FOXP2: variants seen among roughly 807,000 people sequenced by gnomAD.
FOXP2 encodes the protein forkhead box protein P2.
Under a neutral mutation model 115.8 loss-of-function variants are expected in FOXP2, and 12 were observed. The ratio of observed to expected loss-of-function variants is 0.10; its 90% CI spans 0.07 to 0.17. FOXP2 has a LOEUF of 0.17. FOXP2 is among the 10% of genes least tolerant of loss of function. The pLI, the probability that FOXP2 is intolerant of heterozygous loss-of-function variation, is 1.00. For synonymous variants in FOXP2, 328 were observed against 297.7 expected (o/e 1.10, Z -1.05); for missense variants, 629 against 843.5 (o/e 0.75, Z 3.15).
rs2129355759 is a variant in FOXP2 at position 114,692,571 on chromosome 7, T to C, written c.*2645T>C. On this transcript the variant is annotated 3_prime_UTR_variant, in exon 17 of 17. Transcript: ENST00000350908. ...TCATGAATTTTTACTCTTATATCAT[T>C]GCTTGCTAGTAATAGCAAATCTGCT... 2.2e-6 allele frequency: 1 copy of C among 452,784 alleles called. No individual in the cohort carries two copies. Among genetic ancestry groups the C allele is most frequent in the Admixed American group, 2.4e-5 (1 of 42,270 alleles). 28.0% of individuals were successfully genotyped at this position (452,784 alleles called of 1,614,324 possible).
At chr7:114,625,184 A>G (rs1463787904) in intron 3 of FOXP2, among the ~76,000 whole-genome samples, 1 of 151,714 alleles carries the variant, frequency 6.6e-6, no homozygotes, top group African/African-American at 2.4e-5. Flanking sequence ...TCTCCCAACC[A>G]AAGATGACTC....
At chr7:114,341,931 T>C (rs534706731) in intron 2 of FOXP2, among the ~76,000 whole-genome samples, 1 of 151,444 alleles carries the variant, frequency 6.6e-6, no homozygotes, top group African/African-American at 2.4e-5. Flanking sequence ...TATGGCTAGA[T>C]TGGAAGCTGA....
chr7:114,202,904 T>C (rs1247323170), intron 1 of FOXP2, among the ~76,000 whole-genome samples: 1 of 152,206 alleles, frequency 6.6e-6, no homozygotes, highest in Non-Finnish European at 1.5e-5. Context: ...CTTTTACTGC[T>C]TTCTCTTGAT....
chr7:114,623,220 T>C (rs1312546955), intron 3 of FOXP2, among the ~76,000 whole-genome samples: 2 of 151,976 alleles, frequency 1.3e-5, no homozygotes, highest in Non-Finnish European at 2.9e-5. Flanking sequence ...GTAACTTCTT[T>C]CCAATGATTT....
intron 2 of FOXP2, among the ~76,000 whole-genome samples, chr7:114,483,341 G>T (rs1198452133): frequency 1.3e-5 from 2 of 151,392 alleles, no homozygotes; most frequent in African/African-American, 4.8e-5. Flanking sequence ...CTTCAATCTT[G>T]CATATCCTCC....
chr7:114,592,085 A>T (rs1802467964), intron 3 of FOXP2, among the ~76,000 whole-genome samples: 1 of 152,076 alleles, frequency 6.6e-6, no homozygotes, highest in South Asian at 2.1e-4. Context: ...ACATATAGAG[A>T]GTTTCTGTGA....
chr7:114,462,587 G>T (rs1339363163), intron 2 of FOXP2, among the ~76,000 whole-genome samples: 1 of 151,872 alleles, frequency 6.6e-6, no homozygotes, highest in African/African-American at 2.4e-5. Flanking sequence ...GGCCAGGATG[G>T]TCTCAGATCT....
chr7:114,684,681 T>C (rs897520803), intron 16 of FOXP2, among the ~76,000 whole-genome samples: 4 of 152,160 alleles, frequency 2.6e-5, no homozygotes, highest in Admixed American at 6.6e-5. Context: ...ATGTTCTGAA[T>C]CCCAGATTAA....
intron 1 of FOXP2, among the ~76,000 whole-genome samples, chr7:114,184,516 C>T (rs1171902417): frequency 6.6e-6 from 1 of 152,072 alleles, no homozygotes; most frequent in Non-Finnish European, 1.5e-5. Context: ...AATTTTTAGT[C>T]ATTATGATTG....
chr7:114,652,475 G>A (rs912657556), intron 9 of FOXP2, among the ~76,000 whole-genome samples, 185 bp downstream of exon 9: 2 of 152,062 alleles, frequency 1.3e-5, no homozygotes, highest in African/African-American at 4.8e-5. Flanking sequence ...AAGGATTGCT[G>A]TAGTTTAATG....
chr7:114,683,646 C>T (rs1808209936), intron 16 of FOXP2, among the ~76,000 whole-genome samples: 2 of 152,008 alleles, frequency 1.3e-5, no homozygotes, highest in African/African-American at 4.8e-5. Flanking sequence ...GTGAGTTGAT[C>T]CTTAAGTGGT....
intron 1 of FOXP2, among the ~76,000 whole-genome samples, chr7:114,243,678 G>C (rs1795207489): frequency 6.6e-6 from 1 of 151,894 alleles, no homozygotes; most frequent in African/African-American, 2.4e-5. Context: ...TTCCGAATTG[G>C]GTTGCTAACG....
chr7:114,316,851 C>A (rs1179656277), intron 2 of FOXP2, among the ~76,000 whole-genome samples: 2 of 151,636 alleles, frequency 1.3e-5, no homozygotes, highest in African/African-American at 4.8e-5. Context: ...TTTTTAAATT[C>A]TTTCTCCTCT....
chr7:114,511,117 G>T (rs938808754), intron 2 of FOXP2, among the ~76,000 whole-genome samples: 52 of 151,976 alleles, frequency 3.4e-4, no homozygotes, highest in Non-Finnish European at 6.3e-4. Flanking sequence ...AGAAAATCAA[G>T]CACTGCATGT....
At chr7:114,230,958 T>C (rs1794859241) in intron 1 of FOXP2, among the ~76,000 whole-genome samples, 1 of 132,342 alleles carries the variant, frequency 7.6e-6, no homozygotes, top group Admixed American at 8.6e-5. Flanking sequence ...ATCTCATATA[T>C]AGAAAACCCT....
intron 1 of FOXP2, among the ~76,000 whole-genome samples, chr7:114,231,017 A>G (rs1306164981): frequency 6.6e-6 from 1 of 151,672 alleles, no homozygotes; most frequent in East Asian, 1.9e-4. Context: ...AATCCCCATT[A>G]GAAGCAATAA....
intron 2 of FOXP2, among the ~76,000 whole-genome samples, chr7:114,468,659 A>G (rs1795916003): frequency 6.6e-6 from 1 of 152,106 alleles, no homozygotes; most frequent in African/African-American, 2.4e-5. Context: ...CTCTTTCAGA[A>G]AGAATTTCAA....
intron 3 of FOXP2, among the ~76,000 whole-genome samples, chr7:114,614,436 A>G (rs747038264): frequency 7.2e-5 from 11 of 152,188 alleles, no homozygotes; most frequent in Non-Finnish European, 1.5e-4. Context: ...TTATGAGTTG[A>G]AAATATCATT....
intron 2 of FOXP2, among the ~76,000 whole-genome samples, chr7:114,439,638 G>C (rs751518447): frequency 5.3e-5 from 8 of 151,910 alleles, no homozygotes; most frequent in Admixed American, 4.6e-4. Context: ...CTCCACCTCC[G>C]GGCTAAAGCC....
Sources: gnomAD v4.1 joint callset for allele counts (sites outside exome capture counted in the v4.1 genomes callset) on GRCh38, gnomAD v4.1.1 for gene constraint, MANE v1.5 for transcripts, NCBI Gene and HGNC (gene_info 2026-07-23, HGNC 2026-07-21) for gene names.